Variants in PRMT7 observed in about 807,000 individuals in gnomAD.
PRMT7 encodes protein arginine methyltransferase 7, also known as protein arginine N-methyltransferase 7.
A neutral mutation model predicts 85.4 loss-of-function variants in PRMT7; 75 were observed. The ratio of observed to expected loss-of-function variants is 0.88; its 90% CI spans 0.73 to 1.06. The LOEUF is 1.06. Among genes scored for constraint, PRMT7 ranks in the 50% least tolerant of loss-of-function variants. The pLI, the probability that PRMT7 is intolerant of heterozygous loss-of-function variation, is 0.00. For synonymous variants in PRMT7, 397 were observed against 359.5 expected (o/e 1.10, Z -1.18); for missense variants, 868 against 915.2 (o/e 0.95, Z 0.67).
intron 14 of PRMT7, among the ~76,000 whole-genome samples, chr16:68,350,803 T>C (rs932773437): frequency 6.6e-6 from 1 of 152,244 alleles, no homozygotes; most frequent in Non-Finnish European, 1.5e-5. Flanking sequence ...GCATCTTGTG[T>C]GAATGGAATC....
intron 5 of PRMT7, chr16:68,328,396 G>A (rs1207644953): frequency 6.6e-6 from 1 of 152,156 alleles, no homozygotes; most frequent in Non-Finnish European, 1.5e-5. Flanking sequence ...TCTCTATAAA[G>A]TGTGTCTTTC....
chr16:68,323,882 T>G (rs779396623), intron 4 of PRMT7: 5 of 152,184 alleles, frequency 3.3e-5, no homozygotes, highest in Non-Finnish European at 1.5e-5. Flanking sequence ...AGTCAGACCG[T>G]TATAGATGAA....
At chr16:68,319,537 A>G (rs751502820) in intron 3 of PRMT7, among the ~76,000 whole-genome samples, 26 of 150,876 alleles carry the variant, frequency 1.7e-4, no homozygotes, top group Middle Eastern at 3.4e-3. Context: ...AAAGGACTAC[A>G]TTTCAGCTAA....
chr16:68,315,827 T>G, intron 2 of PRMT7, 70 bp from the exon 3 acceptor site: 14 of 652,156 alleles, frequency 2.1e-5, no homozygotes, highest in Admixed American at 2.8e-5. Flanking sequence ...TTTTGGGGCA[T>G]TGTGCTGTTA....
At chr16:68,344,689 C>T (rs975410069) in intron 9 of PRMT7, among the ~76,000 whole-genome samples, 3 of 151,836 alleles carry the variant, frequency 2.0e-5, no homozygotes, top group East Asian at 1.9e-4. Flanking sequence ...AAAAATTGAC[C>T]GTGGATCATT....
chr16:68,331,348 A>T (rs1284897290), intron 6 of PRMT7, among the ~76,000 whole-genome samples: 1 of 151,352 alleles, frequency 6.6e-6, no homozygotes, highest in African/African-American at 2.4e-5. Context: ...TTATCTCTCT[A>T]CCTGTTGATG....
chr16:68,337,660 A>G (rs1707127210), intron 7 of PRMT7, 89 bp downstream of exon 7: 4 of 756,156 alleles, frequency 5.3e-6, no homozygotes, highest in Non-Finnish European at 8.2e-6. Context: ...ACACAGCCCA[A>G]GCCCTCAGCA....
At chr16:68,319,711 A>AGTGT (rs369478826) in intron 3 of PRMT7, among the ~76,000 whole-genome samples, 2,817 of 141,514 alleles carry the variant, frequency 0.02, 50 homozygotes, top group Middle Eastern at 0.1. Context: ...TAAGAGTGAG[A>AGTGT]GTGTGTGTGT....
At chr16:68,331,622 C>T (rs922681221) in intron 6 of PRMT7, among the ~76,000 whole-genome samples, 11 of 151,694 alleles carry the variant, frequency 7.3e-5, no homozygotes, top group Non-Finnish European at 2.9e-5. Context: ...CTCATGCCAC[C>T]ATGCCTGGCT....
intron 4 of PRMT7, 191 bp downstream of exon 4, chr16:68,321,653 A>G (rs1262179735): frequency 3.7e-6 from 2 of 536,076 alleles, no homozygotes; most frequent in Non-Finnish European, 6.8e-6. Context: ...TCCCAGCTTT[A>G]TCAAGATAGA....
At position 68,358,456 on chromosome 16, in the gene PRMT7, C is replaced by G. The variant is rs769001258; in HGVS notation, c.*1232C>G. Reference sequence around the variant, plus strand: ...ACTTGTTTTTCTTCTAGGGAAGAACCGTCTGGATATATATTTGATAATGTT... The same window carrying G: ...ACTTGTTTTTCTTCTAGGGAAGAACGGTCTGGATATATATTTGATAATGTT... On this transcript the variant is annotated 3_prime_UTR_variant, in exon 19 of 19. Transcript: ENST00000441236. 1.3e-5 allele frequency: 2 copies of G among 152,602 alleles called. No homozygotes were observed. The highest frequency in any genetic ancestry group is 2.4e-5 in the African/African-American group (1 of 41,438). 9.5% of individuals were successfully genotyped at this position (152,602 alleles called of 1,614,324 possible). A position where few individuals can be genotyped will look rare whatever the true frequency, so the allele number is the denominator to read the frequency against.
rs753648413 is a variant in PRMT7, at chr16:68,346,281, G to GT, written c.1191+2dup. ...TCGATACGTCCAGGCTCTGAGGACCGTAAGTGTCCAGCCCCTTGGCTTGTT... is the reference window on the plus strand; with the variant it reads ...TCGATACGTCCAGGCTCTGAGGACCGTTAAGTGTCCAGCCCCTTGGCTTGTT... On this transcript the variant is annotated splice_donor_variant, in intron 11 of 18. Transcript: ENST00000441236. LOFTEE classifies it high-confidence loss of function. 5.0e-6 allele frequency: 8 copies of GT among 1,614,046 alleles called. No individual in the cohort carries two copies. The highest frequency in any genetic ancestry group is 1.7e-5 in the Admixed American group (1 of 60,008).
At chr16:68,325,641 A>G (rs2151496160) in intron 5 of PRMT7, among the ~76,000 whole-genome samples, 1 of 152,138 alleles carries the variant, frequency 6.6e-6, no homozygotes, top group East Asian at 1.9e-4. Flanking sequence ...AAATACAAAA[A>G]TTAGCCGGGT....
At position 68,321,303 on chromosome 16, in the gene PRMT7, CA is replaced by C. The variant is rs2082462169; in HGVS notation, c.96-117del. The C allele has an allele frequency of 1.2e-5, 9 of 746,396 alleles. 1 individual carries two copies. The highest frequency in any genetic ancestry group is 1.9e-5 in the Non-Finnish European group (9 of 476,632). The allele number at this position is 746,396 out of a possible 1,614,324, so 46.2% of individuals were successfully genotyped here. On this transcript the variant is annotated intron_variant, in intron 3 of 18. Coordinates refer to ENST00000441236, the MANE Select transcript of PRMT7 (RefSeq NM_019023.5). The stretch of plus-strand genomic sequence containing the variant: ...AAAATAAATAAAGATAAAAGACAAC[CA>C]AAAAATAGTTTAAAATAGATGACAC...
At chr16:68,328,943 G>A in intron 5 of PRMT7, 123 bp from the exon 6 acceptor site, 1 of 641,972 alleles carries the variant, frequency 1.6e-6, no homozygotes, top group South Asian at 1.8e-5. Flanking sequence ...CACATTTGGA[G>A]AATAAAGTAT....
At chr16:68,312,401 T>G (rs1314718030) in intron 2 of PRMT7, among the ~76,000 whole-genome samples, 1 of 151,716 alleles carries the variant, frequency 6.6e-6, no homozygotes, top group African/African-American at 2.4e-5. Flanking sequence ...CCCGGCTAAT[T>G]TTTTTAAAAA....
At chr16:68,324,402 A>G (rs1421876391) in intron 4 of PRMT7, 2 of 447,190 alleles carry the variant, frequency 4.5e-6, no homozygotes, top group East Asian at 9.4e-5. Context: ...TTTTGGCTGT[A>G]CCTAACAGTT....
intron 7 of PRMT7, among the ~76,000 whole-genome samples, chr16:68,338,673 G>T (rs947488698): frequency 2.6e-5 from 4 of 152,130 alleles, no homozygotes; most frequent in African/African-American, 9.7e-5. Context: ...CAGTTATTCT[G>T]CTAGCCTTTT....
chr16:68,338,806 G>C (rs749248166), intron 7 of PRMT7, among the ~76,000 whole-genome samples: 40 of 152,186 alleles, frequency 2.6e-4, no homozygotes, highest in Non-Finnish European at 5.1e-4. Context: ...CCTATTGCCT[G>C]GTGCATGGAG....
Sources: allele counts gnomAD v4.1 joint callset (sites outside exome capture counted in the v4.1 genomes callset), GRCh38; gene constraint gnomAD v4.1.1; transcripts MANE v1.5; gene names NCBI Gene and HGNC (gene_info 2026-07-23, HGNC 2026-07-21).